PCDH9: variants seen among roughly 807,000 people sequenced by gnomAD.
PCDH9 encodes the protein protocadherin-9.
A neutral mutation model predicts 70.6 loss-of-function variants in PCDH9; 24 were observed. That is an observed-to-expected ratio of 0.34 (90% CI 0.25 to 0.48). The LOEUF is 0.48. Ranked by LOEUF, PCDH9 falls within the 20% of genes least tolerant of loss-of-function variation. The probability of loss-of-function intolerance (pLI) is 0.99; values close to 1 mark genes in which losing one functional copy is unlikely to be tolerated. For synonymous variants in PCDH9, 562 were observed against 558.5 expected (o/e 1.01, Z -0.09); for missense variants, 1,281 against 1,503.6 (o/e 0.85, Z 2.45).
chr13:66,312,147 A>G (rs1955572747), intron 4 of PCDH9, among the ~76,000 whole-genome samples: 1 of 152,104 alleles, frequency 6.6e-6, no homozygotes, highest in Non-Finnish European at 1.5e-5. Flanking sequence ...GTAAGCTTAG[A>G]CTCCCTAGCT....
chr13:66,994,432 A>G (rs959359843), intron 2 of PCDH9, among the ~76,000 whole-genome samples: 1 of 152,190 alleles, frequency 6.6e-6, no homozygotes, highest in Admixed American at 6.5e-5. Flanking sequence ...GGCAAAGCGG[A>G]TATGCAGAGC....
rs545421309 is a variant in PCDH9 at position 67,184,499 on chromosome 13, C to T, written c.3036+40906G>A. Among the ~76,000 whole-genome samples, 4 of 152,206 alleles carry T rather than the reference C, an allele frequency of 2.6e-5. No homozygotes were observed. In the South Asian group the frequency reaches 6.2e-4, roughly 24 times the overall value. ...ATCACAGAACTCTGGGAGGCTAAGG[C>T]GGGCAGTCTCCTTGAGCTCAGAAAT... On this transcript the variant is annotated intron_variant, in intron 2 of 4. Transcript: ENST00000377865.
intron 3 of PCDH9, among the ~76,000 whole-genome samples, chr13:66,774,443 C>T (rs1283056586): frequency 7.3e-6 from 1 of 137,760 alleles, no homozygotes; most frequent in Non-Finnish European, 1.6e-5. Context: ...TTCTCCTGCT[C>T]ATCTACTAGA....
chr13:66,906,012 A>G (rs1484402001), intron 2 of PCDH9, among the ~76,000 whole-genome samples: 1 of 152,136 alleles, frequency 6.6e-6, no homozygotes, highest in African/African-American at 2.4e-5. Context: ...TACTGAGTGC[A>G]TGTTATGTGT....
intron 3 of PCDH9, among the ~76,000 whole-genome samples, chr13:66,759,301 G>C (rs9564339): frequency 0.081 from 12,335 of 151,710 alleles, 519 homozygotes; most frequent in East Asian, 0.14. Flanking sequence ...TTAAGTAAAG[G>C]TACTCCAAAT....
intron 4 of PCDH9, among the ~76,000 whole-genome samples, chr13:66,466,844 C>T (rs1958522063): frequency 6.6e-6 from 1 of 152,032 alleles, no homozygotes. Flanking sequence ...GGGAAACACA[C>T]ATTAGAAAAA....
intron 4 of PCDH9, among the ~76,000 whole-genome samples, chr13:66,333,063 T>C (rs1955971621): frequency 6.6e-6 from 1 of 152,070 alleles, no homozygotes; most frequent in Admixed American, 6.6e-5. Context: ...AGACTTTTAA[T>C]TATGATAGAA....
chr13:67,146,766 C>A (rs919297269), intron 2 of PCDH9, among the ~76,000 whole-genome samples: 3 of 152,308 alleles, frequency 2.0e-5, no homozygotes, highest in East Asian at 3.9e-4. Flanking sequence ...CAACTTCTTT[C>A]TCTTTTATTA....
rs576593069 is a variant in PCDH9, at chr13:67,189,956, TAG to T, written c.3036+35447_3036+35448del. 2.4e-4 allele frequency among the ~76,000 whole-genome samples: 36 copies of T among 152,186 alleles called. 1 individual carries two copies. The highest frequency in any genetic ancestry group is 1.2e-3 in the South Asian group (6 of 4,826). ...TAAACAAAATAAAACAAATTCTTGA[TAG>T]AGTTATTAAAAATAATACAAAATTA... On this transcript the variant is annotated intron_variant, in intron 2 of 4. Coordinates refer to ENST00000377865, the MANE Select transcript of PCDH9 (RefSeq NM_203487.3).
intron 4 of PCDH9, among the ~76,000 whole-genome samples, chr13:66,318,022 G>A (rs1005575165): frequency 4.6e-5 from 7 of 152,234 alleles, no homozygotes; most frequent in East Asian, 3.9e-4. Context: ...TGTTGAAAAT[G>A]CCATTACTCT....
chr13:66,921,163 G>A (rs992982321), intron 2 of PCDH9, among the ~76,000 whole-genome samples: 2 of 151,156 alleles, frequency 1.3e-5, no homozygotes, highest in African/African-American at 4.8e-5. Context: ...AGATAACTGA[G>A]TTGTGTCAGA....
At chr13:67,022,577 C>A (rs2084699878) in intron 2 of PCDH9, among the ~76,000 whole-genome samples, 1 of 152,166 alleles carries the variant, frequency 6.6e-6, no homozygotes, top group Non-Finnish European at 1.5e-5. Flanking sequence ...TTCACAAGTA[C>A]CTGTTTAACT....
In PCDH9 at chr13:66,867,284, G is replaced by T. The variant is rs187170597; in HGVS notation, c.3138+36220C>A. Among the ~76,000 whole-genome samples, 12 of 152,144 alleles carry T rather than the reference G, an allele frequency of 7.9e-5. No individual in the cohort carries two copies. The East Asian group carries it at 1.5e-3, about 20-fold the overall frequency. Reference sequence around the variant, plus strand: ...AGGCACATATCTAAGGATTATTAATGTTCTCTCTGGTGATGTTTATGGATG... The same window carrying T: ...AGGCACATATCTAAGGATTATTAATTTTCTCTCTGGTGATGTTTATGGATG... On this transcript the variant is annotated intron_variant, in intron 3 of 4. Transcript: ENST00000377865.
intron 4 of PCDH9, among the ~76,000 whole-genome samples, chr13:66,371,405 T>C (rs1181177029): frequency 6.6e-6 from 1 of 152,072 alleles, no homozygotes; most frequent in African/African-American, 2.4e-5. Flanking sequence ...ATCATACCTT[T>C]TTGACATTCT....
At chr13:66,763,106 T>C (rs1219414417) in intron 3 of PCDH9, among the ~76,000 whole-genome samples, 1 of 151,920 alleles carries the variant, frequency 6.6e-6, no homozygotes, top group Admixed American at 6.6e-5. Context: ...GCTGGAACTA[T>C]GGGTTCCCAG....
chr13:66,750,843 GTTATATTACCAGCAAAC>G (rs1181858476), intron 3 of PCDH9, among the ~76,000 whole-genome samples: 3 of 152,044 alleles, frequency 2.0e-5, no homozygotes, highest in Non-Finnish European at 4.4e-5. Context: ...AAGTAGAGTG[GTTATATTACCAGCAAAC>G]TAATATTTAA....
intron 4 of PCDH9, among the ~76,000 whole-genome samples, chr13:66,495,946 T>C (rs1045691037): frequency 1.3e-5 from 2 of 152,208 alleles, no homozygotes; most frequent in African/African-American, 4.8e-5. Flanking sequence ...GGAGTAATAA[T>C]GGTACCTACC....
At chr13:66,422,647 G>A (rs886876370) in intron 4 of PCDH9, among the ~76,000 whole-genome samples, 7 of 152,050 alleles carry the variant, frequency 4.6e-5, no homozygotes, top group African/African-American at 1.7e-4. Flanking sequence ...CTGGCACACA[G>A]CTAAAGCAGT....
intron 4 of PCDH9, among the ~76,000 whole-genome samples, chr13:66,488,170 T>C (rs1035500539): frequency 6.6e-6 from 1 of 152,094 alleles, no homozygotes; most frequent in African/African-American, 2.4e-5. Flanking sequence ...CCAACAACCA[T>C]GCCTGAGCTA....
Sources: gnomAD v4.1 joint callset for allele counts (sites outside exome capture counted in the v4.1 genomes callset) on GRCh38, gnomAD v4.1.1 for gene constraint, MANE v1.5 for transcripts, NCBI Gene and HGNC (gene_info 2026-07-23, HGNC 2026-07-21) for gene names.